OPHN1: variants seen among roughly 807,000 people sequenced by gnomAD.
OPHN1 encodes oligophrenin 1, also known as oligophrenin-1.
In OPHN1, 11 loss-of-function variants were observed where a neutral mutation model predicts 60.7. That is an observed-to-expected ratio of 0.18 (90% CI 0.11 to 0.30). OPHN1 has a LOEUF of 0.30. Ranked by LOEUF, OPHN1 falls within the 10% of genes least tolerant of loss-of-function variation. The probability of loss-of-function intolerance (pLI) is 1.00; values close to 1 mark genes in which losing one functional copy is unlikely to be tolerated. For synonymous variants in OPHN1, 226 were observed against 222.6 expected, an observed-to-expected ratio of 1.02 and a Z score of -0.14; for missense variants, 449 against 611.0, an observed-to-expected ratio of 0.73 and a Z score of 2.80.
intron 18 of OPHN1, among the ~76,000 whole-genome samples, chrX:68,108,075 G>A (rs1453831637): frequency 9.0e-6 from 1 of 111,706 alleles, no homozygotes; most frequent in Non-Finnish European, 1.9e-5. Flanking sequence ...CCACCTCCAG[G>A]AGTTTTGTTT....
intron 2 of OPHN1, among the ~76,000 whole-genome samples, chrX:68,311,893 C>T (rs1432505403): frequency 9.0e-6 from 1 of 111,343 alleles, no homozygotes; most frequent in Non-Finnish European, 1.9e-5. Flanking sequence ...AAGGATACTC[C>T]ATCCCACAAC....
At chrX:68,261,857 T>C (rs1479061931) in intron 5 of OPHN1, among the ~76,000 whole-genome samples, 2 of 111,427 alleles carry the variant, frequency 1.8e-5, no homozygotes, top group Non-Finnish European at 3.8e-5. Context: ...GTCAAATAAG[T>C]CTATTAATAA....
At chrX:68,312,614 C>T (rs1031804539) in intron 2 of OPHN1, among the ~76,000 whole-genome samples, 6 of 109,856 alleles carry the variant, frequency 5.5e-5, no homozygotes, top group African/African-American at 2.0e-4. Flanking sequence ...CCTTAAGAAA[C>T]TTGAAAAAGA....
At chrX:68,186,669 T>C (rs893346741) in intron 15 of OPHN1, among the ~76,000 whole-genome samples, 4 of 111,514 alleles carry the variant, frequency 3.6e-5, no homozygotes, top group African/African-American at 1.3e-4. Context: ...GAGTGGCTTA[T>C]AAACAACAGA....
chrX:68,359,246 T>A (rs2078457993), intron 2 of OPHN1, among the ~76,000 whole-genome samples: 1 of 111,808 alleles, frequency 8.9e-6, no homozygotes, highest in African/African-American at 3.3e-5. Flanking sequence ...GTGCACACAT[T>A]ATTATTCTGC....
At chrX:68,149,246 TC>T (rs1416237199) in intron 15 of OPHN1, among the ~76,000 whole-genome samples, 1 of 111,739 alleles carries the variant, frequency 8.9e-6, no homozygotes, top group Admixed American at 9.5e-5. Context: ...CCTTTCCAAA[TC>T]CCTTGCAAAT....
At chrX:68,255,132 T>C (rs867595292) in intron 5 of OPHN1, among the ~76,000 whole-genome samples, 1 of 108,654 alleles carries the variant, frequency 9.2e-6, no homozygotes, top group African/African-American at 3.3e-5. Flanking sequence ...AGGTGAAGTC[T>C]AAGAGAACCA....
At chrX:68,388,468 A>C (rs1388489667) in intron 2 of OPHN1, among the ~76,000 whole-genome samples, 2 of 109,060 alleles carry the variant, frequency 1.8e-5, no homozygotes, top group Non-Finnish European at 3.8e-5. Context: ...TCAAAAAAAA[A>C]AAAAAAGAAG....
intron 2 of OPHN1, among the ~76,000 whole-genome samples, chrX:68,416,300 T>A (rs2078798780): frequency 9.2e-6 from 1 of 108,892 alleles, no homozygotes; most frequent in African/African-American, 3.4e-5. Context: ...CACCTGGGCC[T>A]CCCAAAGTGC....
chrX:68,189,396 T>C (rs930631955), intron 15 of OPHN1, among the ~76,000 whole-genome samples: 53 of 111,550 alleles, frequency 4.8e-4, no homozygotes, highest in African/African-American at 1.6e-3. Flanking sequence ...AGGGTACATG[T>C]GCACAACGTG....
At chrX:68,328,031 T>G (rs1284372181) in intron 2 of OPHN1, among the ~76,000 whole-genome samples, 1 of 94,218 alleles carries the variant, frequency 1.1e-5, no homozygotes, top group East Asian at 3.3e-4. Context: ...GGGTTTCACC[T>G]TGTTAGCCAG....
intron 2 of OPHN1, among the ~76,000 whole-genome samples, chrX:68,337,410 G>T (rs2078329277): frequency 8.9e-6 from 1 of 112,044 alleles, no homozygotes; most frequent in South Asian, 3.6e-4. Flanking sequence ...CAACGAAAAA[G>T]CATGAGACAA....
chrX:68,236,166 A>C (rs972493625), intron 5 of OPHN1, among the ~76,000 whole-genome samples: 25 of 111,156 alleles, frequency 2.2e-4, no homozygotes, highest in African/African-American at 8.2e-4. Context: ...TAGGAATACA[A>C]CTCGAGAAGT....
At chrX:68,355,681 T>G (rs1044167643) in intron 2 of OPHN1, among the ~76,000 whole-genome samples, 6 of 111,998 alleles carry the variant, frequency 5.4e-5, no homozygotes, top group Non-Finnish European at 5.6e-5. Flanking sequence ...AATTTTAAAT[T>G]GCATATGCTT....
intron 2 of OPHN1, among the ~76,000 whole-genome samples, chrX:68,317,535 GAAAAAAA>G (rs2078211855): frequency 2.8e-5 from 1 of 35,823 alleles, no homozygotes; most frequent in African/African-American, 1.5e-4. Flanking sequence ...AAGAAAGAAA[GAAAAAAA>G]GAAAGAAAGA....
intron 2 of OPHN1, among the ~76,000 whole-genome samples, chrX:68,309,995 G>A (rs1290068621): frequency 1.8e-5 from 2 of 111,965 alleles, no homozygotes; most frequent in African/African-American, 6.5e-5. Flanking sequence ...ATAAAATATG[G>A]GGTCTTTAAA....
chrX:68,207,694 A>G (rs1351629012), intron 9 of OPHN1, among the ~76,000 whole-genome samples: 1 of 111,236 alleles, frequency 9.0e-6, no homozygotes, highest in African/African-American at 3.3e-5. Flanking sequence ...TGCCCTTGAT[A>G]ACATGATCAA....
At chrX:68,214,031 C>T (rs2077597199) in intron 6 of OPHN1, 59 bp from the exon 7 acceptor site, 4 of 690,029 alleles carry the variant, frequency 5.8e-6, no homozygotes, top group East Asian at 6.9e-5. Context: ...AAAGTCAGTA[C>T]TTAAGGATTG....
At chrX:68,216,619 A>G (rs1830882153) in intron 6 of OPHN1, among the ~76,000 whole-genome samples, 1 of 111,738 alleles carries the variant, frequency 8.9e-6, no homozygotes, top group East Asian at 2.8e-4. Context: ...AATGCAACAG[A>G]AACAAAAATA....
Sources: gnomAD v4.1 joint callset for allele counts (sites outside exome capture counted in the v4.1 genomes callset) on GRCh38, gnomAD v4.1.1 for gene constraint, MANE v1.5 for transcripts, NCBI Gene and HGNC (gene_info 2026-07-23, HGNC 2026-07-21) for gene names.